Variants in AIG1 observed in about 807,000 individuals in gnomAD.
AIG1 encodes the protein androgen-induced gene 1 protein.
AIG1 carries 23 observed loss-of-function variants against 31.4 expected under a neutral mutation model. That is an observed-to-expected ratio of 0.73 (90% CI 0.53 to 1.04). The LOEUF (loss-of-function observed/expected upper bound fraction) is 1.04, where lower values mean the gene tolerates loss of function less well. Among genes scored for constraint, AIG1 ranks in the 50% least tolerant of loss-of-function variants. The probability of loss-of-function intolerance (pLI) is 0.00; values close to 1 mark genes in which losing one functional copy is unlikely to be tolerated. For missense variants in AIG1, 274 were observed against 295.0 expected (o/e 0.93, Z 0.52); for synonymous variants, 100 against 110.5 (o/e 0.90, Z 0.60).
At chr6:143,132,022 G>A (rs924541143) in intron 1 of AIG1, among the ~76,000 whole-genome samples, 3 of 152,198 alleles carry the variant, frequency 2.0e-5, no homozygotes, top group Admixed American at 1.3e-4. Context: ...TATGTGTAAT[G>A]TAAGAACCTT....
At chr6:143,237,156 A>G (rs1793868192) in intron 3 of AIG1, among the ~76,000 whole-genome samples, 1 of 152,224 alleles carries the variant, frequency 6.6e-6, no homozygotes, top group African/African-American at 2.4e-5. Context: ...AATCTAATGC[A>G]TTGAAGTTCA....
chr6:143,306,488 T>C (rs1195357976), intron 4 of AIG1, among the ~76,000 whole-genome samples: 5 of 152,202 alleles, frequency 3.3e-5, no homozygotes, highest in African/African-American at 7.2e-5. Flanking sequence ...CTTATGAAGC[T>C]TAGTTTGGCT....
chr6:143,301,933 G>T (rs1230508967), intron 4 of AIG1, among the ~76,000 whole-genome samples: 3 of 152,178 alleles, frequency 2.0e-5, no homozygotes, highest in African/African-American at 7.2e-5. Flanking sequence ...GTCTACCAAG[G>T]TTTTCTTTTA....
chr6:143,235,113 G>T (rs1212318520), intron 3 of AIG1, among the ~76,000 whole-genome samples: 1 of 152,160 alleles, frequency 6.6e-6, no homozygotes, highest in Non-Finnish European at 1.5e-5. Context: ...GGGATTTAAA[G>T]ATGAACAACA....
At chr6:143,061,104 G>C in intron 1 of AIG1, 38 bp downstream of exon 1, 1 of 1,598,738 alleles carries the variant, frequency 6.3e-7, no homozygotes, top group Non-Finnish European at 8.5e-7. Context: ...CCCGCACCCC[G>C]TGCCTGTGTG....
intron 3 of AIG1, among the ~76,000 whole-genome samples, chr6:143,240,931 T>C (rs1794195944): frequency 6.6e-6 from 1 of 152,128 alleles, no homozygotes; most frequent in Non-Finnish European, 1.5e-5. Flanking sequence ...GAAGAGTTAG[T>C]TACTCCTCAG....
chr6:143,135,620 A>G (rs929263654), intron 1 of AIG1, among the ~76,000 whole-genome samples: 3 of 152,272 alleles, frequency 2.0e-5, no homozygotes, highest in African/African-American at 4.8e-5. Context: ...AAGACTGACT[A>G]ATAATAGTAA....
In AIG1 at chr6:143,139,116, A is replaced by G. The variant is rs952122519; in HGVS notation, c.297+2126A>G. 2.0e-5 allele frequency among the ~76,000 whole-genome samples: 3 copies of G among 150,228 alleles called. No individual in the cohort carries two copies. In the South Asian group the frequency reaches 6.4e-4, roughly 32 times the overall value. On this transcript the variant is annotated intron_variant, in intron 2 of 5. Transcript: ENST00000357847. ...TGCCTGAAGCTTGAAGTATATGTCA[A>G]CTCTTGGTGTCTTTCCTAAAGTTAT... is the stretch of plus-strand genomic sequence containing the variant.
chr6:143,103,673 A>G (rs1025444867), intron 1 of AIG1, among the ~76,000 whole-genome samples: 4 of 151,264 alleles, frequency 2.6e-5, no homozygotes, highest in Admixed American at 2.6e-4. Flanking sequence ...ACGCCCGGCT[A>G]ATTTTTTGTA....
intron 2 of AIG1, among the ~76,000 whole-genome samples, chr6:143,150,549 T>G (rs1785114388): frequency 6.6e-6 from 1 of 152,054 alleles, no homozygotes; most frequent in Admixed American, 6.6e-5. Context: ...TGGGGCCCAT[T>G]AGGGTGGGAA....
At chr6:143,304,469 A>G (rs1044879242) in intron 4 of AIG1, among the ~76,000 whole-genome samples, 1 of 152,130 alleles carries the variant, frequency 6.6e-6, no homozygotes, top group African/African-American at 2.4e-5. Flanking sequence ...CCTTTTCTGC[A>G]TCTATTGAGA....
intron 1 of AIG1, among the ~76,000 whole-genome samples, chr6:143,117,420 T>C (rs1583229010): frequency 6.6e-6 from 1 of 152,054 alleles, no homozygotes; most frequent in African/African-American, 2.4e-5. Context: ...ATTATGGAGG[T>C]TATTTTTAAA....
intron 3 of AIG1, among the ~76,000 whole-genome samples, chr6:143,214,757 C>G (rs935117085): frequency 1.3e-5 from 2 of 152,136 alleles, no homozygotes; most frequent in African/African-American, 2.4e-5. Context: ...ACCTTCCTCC[C>G]CCTGCACACC....
At chr6:143,216,652 C>A (rs1339432153) in intron 3 of AIG1, among the ~76,000 whole-genome samples, 3 of 152,210 alleles carry the variant, frequency 2.0e-5, no homozygotes, top group Non-Finnish European at 4.4e-5. Flanking sequence ...CAACATAGTA[C>A]AGATCAGGAA....
At chr6:143,061,201 G>T in intron 1 of AIG1, 135 bp downstream of exon 1, 1 of 1,096,052 alleles carries the variant, frequency 9.1e-7, no homozygotes, top group Non-Finnish European at 1.4e-6. Context: ...CCGTGTCCTC[G>T]CCTCTTCCCC....
intron 4 of AIG1, among the ~76,000 whole-genome samples, chr6:143,324,766 C>A (rs1340456834): frequency 1.3e-5 from 2 of 152,212 alleles, no homozygotes; most frequent in South Asian, 4.1e-4. Context: ...AGATCTCAAG[C>A]AACCTAATTC....
At chr6:143,074,932 G>T (rs1454386729) in intron 1 of AIG1, among the ~76,000 whole-genome samples, 4 of 152,184 alleles carry the variant, frequency 2.6e-5, no homozygotes, top group Non-Finnish European at 2.9e-5. Context: ...TGTCCAGAAT[G>T]TTTGGTAGAA....
intron 1 of AIG1, among the ~76,000 whole-genome samples, chr6:143,107,463 T>C (rs563473513): frequency 1.3e-5 from 2 of 152,288 alleles, no homozygotes; most frequent in East Asian, 3.9e-4. Context: ...TATGGTGATA[T>C]ACGAGTGAAC....
chr6:143,259,014 G>A (rs139390671), intron 3 of AIG1, among the ~76,000 whole-genome samples: 1 of 152,196 alleles, frequency 6.6e-6, no homozygotes, highest in African/African-American at 2.4e-5. Flanking sequence ...CAAAAGGGCA[G>A]TGGATCCTCT....
Sources: gnomAD v4.1 joint callset for allele counts (sites outside exome capture counted in the v4.1 genomes callset) on GRCh38, gnomAD v4.1.1 for gene constraint, MANE v1.5 for transcripts, NCBI Gene and HGNC (gene_info 2026-07-23, HGNC 2026-07-21) for gene names.